The following SIPA1L2 variants were observed in gnomAD, a reference collection of about 807,000 sequenced individuals.
SIPA1L2 encodes the protein signal-induced proliferation-associated 1-like protein 2.
In SIPA1L2, 56 loss-of-function variants were observed where a neutral mutation model predicts 163.9. That is an observed-to-expected ratio of 0.34 (90% CI 0.28 to 0.43). SIPA1L2 has a LOEUF of 0.43. SIPA1L2 is among the 20% of genes least tolerant of loss of function. The pLI is 1.00. For missense variants in SIPA1L2, 1,974 were observed against 2,193.5 expected (o/e 0.90, Z 2.00); for synonymous variants, 877 against 865.7 (o/e 1.01, Z -0.23).
chr1:232,514,882 A>G lies in SIPA1L2; in HGVS notation c.458T>C (p.Leu153Pro). Residue 153 changes from leucine (L) to proline (P), a missense_variant, in exon 3 of 23, where the codon CTT becomes CCT. Coordinates refer to ENST00000674635, the MANE Select transcript of SIPA1L2 (RefSeq NM_020808.5). Reference protein sequence around the residue: ...DIFVHSPQRGLHPIRQRSNSD... With the variant: ...DIFVHSPQRGPHPIRQRSNSD... ...ATTGCTCCTCTGTCTTATGGGGTGA[A>G]GTCCTCTTTGGGGGGAATGGACAAA... The G allele has an allele frequency of 6.2e-7, 1 of 1,614,178 alleles. No individual in the cohort carries two copies. Among genetic ancestry groups the G allele is most frequent in the Non-Finnish European group, 8.5e-7 (1 of 1,180,030 alleles).
intron 2 of SIPA1L2, among the ~76,000 whole-genome samples, chr1:232,546,227 G>A (rs562740800): frequency 1.7e-4 from 26 of 152,280 alleles, no homozygotes; most frequent in Middle Eastern, 3.4e-3. Context: ...ACTTTTGCAC[G>A]TAAAGACGTC....
At chr1:232,503,329 T>C (rs1666572036) in intron 3 of SIPA1L2, among the ~76,000 whole-genome samples, 1 of 152,120 alleles carries the variant, frequency 6.6e-6, no homozygotes, top group Admixed American at 6.5e-5. Context: ...AAATAATAAT[T>C]TTAGCTCACA....
intron 6 of SIPA1L2, 68 bp downstream of exon 6, chr1:232,483,724 T>C (rs1356457197): frequency 6.3e-7 from 1 of 1,576,966 alleles, no homozygotes; most frequent in Non-Finnish European, 8.7e-7. Flanking sequence ...GATCACTTAC[T>C]TGGATTTATG....
At chr1:232,420,187 G>T (rs1032742290) in intron 18 of SIPA1L2, among the ~76,000 whole-genome samples, 13 of 152,262 alleles carry the variant, frequency 8.5e-5, no homozygotes, top group African/African-American at 2.6e-4. Flanking sequence ...GCTGGGTGTG[G>T]TGGTACATTC....
chr1:232,530,258 C>T lies in SIPA1L2; in HGVS notation c.-269-14650G>A, dbSNP rs550119626. On this transcript the variant is annotated intron_variant, in intron 2 of 22. Transcript: ENST00000674635. The stretch of plus-strand genomic sequence containing the variant: ...CCTCCCAAGCAGCTGGGACCACAGG[C>T]GCACACCACCACGCCCGGCTAATTT... Among the ~76,000 whole-genome samples, 30 of 152,102 alleles carry T rather than the reference C, an allele frequency of 2.0e-4. 1 individual carries two copies. The highest frequency in any genetic ancestry group is 1.4e-3 in the Admixed American group (22 of 15,268).
At chr1:232,502,165 C>A (rs1368257678) in intron 3 of SIPA1L2, among the ~76,000 whole-genome samples, 1 of 152,138 alleles carries the variant, frequency 6.6e-6, no homozygotes, top group Admixed American at 6.5e-5. Context: ...TAGTTACAGA[C>A]CCTTTCTTAA....
chr1:232,488,607 T>C (rs1404376574), intron 5 of SIPA1L2, among the ~76,000 whole-genome samples: 1 of 152,160 alleles, frequency 6.6e-6, no homozygotes, highest in African/African-American at 2.4e-5. Flanking sequence ...CAAACAAATA[T>C]AAAATCTAAA....
chr1:232,491,687 TG>T (rs1347090945), intron 4 of SIPA1L2, among the ~76,000 whole-genome samples: 2 of 152,244 alleles, frequency 1.3e-5, no homozygotes, highest in African/African-American at 4.8e-5. Context: ...AGATCTAATA[TG>T]ATGAGAGAGA....
At chr1:232,606,723 C>A (rs1661941870) in intron 1 of SIPA1L2, among the ~76,000 whole-genome samples, 1 of 150,968 alleles carries the variant, frequency 6.6e-6, no homozygotes, top group African/African-American at 2.4e-5. Context: ...TGTATTTCTT[C>A]CTATGTAATA....
At chr1:232,441,106 C>G (rs1662865227) in intron 14 of SIPA1L2, among the ~76,000 whole-genome samples, 185 bp downstream of exon 14, 1 of 152,230 alleles carries the variant, frequency 6.6e-6, no homozygotes, top group Non-Finnish European at 1.5e-5. Context: ...CACTAATTTG[C>G]TGTGCAACCT....
At chr1:232,494,311 T>C (rs1666070401) in intron 3 of SIPA1L2, among the ~76,000 whole-genome samples, 1 of 152,254 alleles carries the variant, frequency 6.6e-6, no homozygotes, top group Admixed American at 6.5e-5. Flanking sequence ...CAGCTAATCA[T>C]TGCTTTCACA....
At chr1:232,486,380 G>A (rs1411538271) in intron 5 of SIPA1L2, among the ~76,000 whole-genome samples, 1 of 152,058 alleles carries the variant, frequency 6.6e-6, no homozygotes, top group Non-Finnish European at 1.5e-5. Flanking sequence ...CCCAGCCATC[G>A]GACACACCAG....
At chr1:232,574,353 T>C (rs1659963633) in intron 1 of SIPA1L2, among the ~76,000 whole-genome samples, 131 bp from the exon 2 acceptor site, 1 of 152,252 alleles carries the variant, frequency 6.6e-6, no homozygotes, top group South Asian at 2.1e-4. Context: ...CAAGGCACTA[T>C]TTATCTTTTC....
chr1:232,473,698 T>C (rs1664905918), intron 7 of SIPA1L2, among the ~76,000 whole-genome samples: 1 of 152,210 alleles, frequency 6.6e-6, no homozygotes, highest in Non-Finnish European at 1.5e-5. Flanking sequence ...TTCTTTTGCT[T>C]TGTAAAATGG....
chr1:232,475,636 C>T (rs12734385), intron 7 of SIPA1L2, among the ~76,000 whole-genome samples: 38,186 of 152,096 alleles, frequency 0.25, 4,924 homozygotes, highest in Admixed American at 0.35. Context: ...GAACTGTTCT[C>T]ATTTCTGATG....
chr1:232,570,631 A>G (rs1659669211), intron 2 of SIPA1L2, among the ~76,000 whole-genome samples: 1 of 152,214 alleles, frequency 6.6e-6, no homozygotes, highest in South Asian at 2.1e-4. Context: ...CAACTGAGAA[A>G]AAAGACTACC....
Position 232,465,476 on chromosome 1 carries a change from T to G in SIPA1L2, c.2244-60A>C. ...GCTATGATACCATAATATGTATCTT[T>G]CCGAATTTGACATATATATACACAC... is the stretch of plus-strand genomic sequence containing the variant. On this transcript the variant is annotated intron_variant, in intron 8 of 22. Coordinates refer to ENST00000674635, the MANE Select transcript of SIPA1L2 (RefSeq NM_020808.5). This position sits in a 1 kb window ranked among gnomAD's most constrained non-coding sequence, Gnocchi z 4.1. 6.9e-7 allele frequency: 1 copy of G among 1,449,350 alleles called. No individual in the cohort carries two copies. Among genetic ancestry groups the G allele is most frequent in the Non-Finnish European group, 9.4e-7 (1 of 1,063,160 alleles). 89.8% of individuals were successfully genotyped at this position (1,449,350 alleles called of 1,614,324 possible).
chr1:232,420,601 C>T (rs1661517654), intron 18 of SIPA1L2, among the ~76,000 whole-genome samples: 1 of 151,996 alleles, frequency 6.6e-6, no homozygotes, highest in South Asian at 2.1e-4. Flanking sequence ...TTTGGGAGGC[C>T]GAGGCGGGCG....
At chr1:232,604,444 T>C (rs769097576) in intron 1 of SIPA1L2, among the ~76,000 whole-genome samples, 7 of 152,248 alleles carry the variant, frequency 4.6e-5, no homozygotes, top group African/African-American at 1.2e-4. Flanking sequence ...GCACCTACTA[T>C]GTGCCAGGCA....
Sources: gnomAD v4.1 joint callset for allele counts (sites outside exome capture counted in the v4.1 genomes callset) on GRCh38, gnomAD v4.1.1 for gene constraint, Gnocchi (gnomAD v3.1) non-coding constraint, MANE v1.5 for transcripts, NCBI Gene and HGNC (gene_info 2026-07-23, HGNC 2026-07-21) for gene names.